WDR76: variants seen among roughly 807,000 people sequenced by gnomAD.
The protein encoded by WDR76 is WD repeat-containing protein 76.
WDR76 carries 52 observed loss-of-function variants against 70.2 expected under a neutral mutation model. The ratio of observed to expected loss-of-function variants is 0.74; its 90% confidence interval spans 0.59 to 0.93. The LOEUF is 0.93. Among genes scored for constraint, WDR76 ranks in the 40% least tolerant of loss-of-function variants. The pLI, the probability that WDR76 is intolerant of heterozygous loss-of-function variation, is 0.00. For missense variants in WDR76, 756 were observed against 760.2 expected (o/e 0.99, Z 0.07); for synonymous variants, 292 against 271.1 (o/e 1.08, Z -0.76).
In WDR76 at chr15:43,835,130, G is replaced by C. The variant is rs1164534797; in HGVS notation, c.532G>C (p.Ala178Pro). 1 of 1,613,794 alleles carries C rather than the reference G, an allele frequency of 6.2e-7. No individual in the cohort carries two copies. Among genetic ancestry groups the C allele is most frequent in the African/African-American group, 1.3e-5 (1 of 74,880 alleles). ...KNISENADFF[A>P]SLQLSESAAR... is the part of the protein sequence containing the mutation. ...CATATCAGAAAACGCAGACTTTTTT[G>C]CTTCTCTTCAGTTGTCTGAGGTTTG... is the stretch of plus-strand genomic sequence containing the variant. Residue 178 changes from alanine (A) to proline (P), a missense_variant, in exon 3 of 13, where the codon GCT (alanine) becomes CCT (proline). Ala to Pro is a conservative substitution (Grantham distance 27). Transcript: ENST00000263795.
chr15:43,848,892 T>A (rs562029011), intron 8 of WDR76, among the ~76,000 whole-genome samples: 15 of 150,836 alleles, frequency 9.9e-5, no homozygotes, highest in Non-Finnish European at 1.9e-4. Context: ...GAGCCGGCAT[T>A]GCACCACTGC....
intron 9 of WDR76, among the ~76,000 whole-genome samples, chr15:43,853,378 A>T (rs2087887578): frequency 6.6e-6 from 1 of 150,834 alleles, no homozygotes; most frequent in African/African-American, 2.4e-5. Context: ...TTTAGTAGAG[A>T]CGGTGTTTTG....
chr15:43,841,201 G>GTTTTTTT (rs910565504), intron 5 of WDR76, among the ~76,000 whole-genome samples: 75 of 102,240 alleles, frequency 7.3e-4, no homozygotes, highest in South Asian at 9.6e-4. Flanking sequence ...TTGTTTTTTT[G>GTTTTTTT]TTTTTTTTTT....
intron 8 of WDR76, among the ~76,000 whole-genome samples, chr15:43,849,979 T>G (rs2087836247): frequency 6.6e-6 from 1 of 152,152 alleles, no homozygotes; most frequent in Non-Finnish European, 1.5e-5. Context: ...AGGAAGAGTA[T>G]GTGTGATTAT....
Position 43,866,815 on chromosome 15 carries a change from A to G in WDR76, c.*423A>G, listed in dbSNP as rs1384898382. On this transcript the variant is annotated 3_prime_UTR_variant, in exon 13 of 13. Coordinates refer to ENST00000263795, the MANE Select transcript of WDR76 (RefSeq NM_024908.4). ...CTATTTTTTTGTATTTTTAGTAGAG[A>G]TGGGGTTTCATCATGTTGGCCAGGC... is the stretch of plus-strand genomic sequence containing the variant. 1 of 164,546 alleles carries G rather than the reference A, an allele frequency of 6.1e-6. No homozygotes were observed. Among genetic ancestry groups the G allele is most frequent in the African/African-American group, 2.4e-5 (1 of 41,368 alleles). The allele number at this position is 164,546 out of a possible 1,614,324, so 10.2% of individuals were successfully genotyped here.
At chr15:43,850,787 AT>A (rs2087848322) in intron 8 of WDR76, among the ~76,000 whole-genome samples, 1 of 152,182 alleles carries the variant, frequency 6.6e-6, no homozygotes, top group South Asian at 2.1e-4. Context: ...AATAGAGTAG[AT>A]TTATCATTTC....
chr15:43,842,717 T>G, intron 7 of WDR76, 46 bp downstream of exon 7: 1 of 1,566,002 alleles, frequency 6.4e-7, no homozygotes. Flanking sequence ...TTGAGATGTT[T>G]GAGTTATAAA....
At position 43,856,969 on chromosome 15, in the gene WDR76, C is replaced by T; in HGVS notation, c.1215C>T (p.Ser405=). Residue 405 remains serine, a synonymous_variant, in exon 10 of 13, where the codon AGC becomes AGT. Coordinates refer to ENST00000263795, the MANE Select transcript of WDR76 (RefSeq NM_024908.4). ...AGGTGTATAGAAATGAAAGAAGTAG[C>T]TTTTCCTCCTTCGACTTCTTGGCAG... ...FEEVYRNERS[S]FSSFDFLAED... is the part of the protein sequence containing the mutation. 2 of 1,613,900 alleles carry T rather than the reference C, an allele frequency of 1.2e-6. No individual in the cohort carries two copies. The highest frequency in any genetic ancestry group is 1.7e-6 in the Non-Finnish European group (2 of 1,179,892).
Position 43,836,118 on chromosome 15 carries a change from A to G in WDR76, c.553-43A>G, listed in dbSNP as rs372891534. 3.4e-5 allele frequency: 53 copies of G among 1,567,464 alleles called. No individual in the cohort carries two copies. In the African/African-American group the frequency reaches 6.5e-4, roughly 19 times the overall value. On this transcript the variant is annotated intron_variant, in intron 3 of 12. Transcript: ENST00000263795. ...GATGCTTAATATTTTAAAAGGTAAGATACGTAGTTATAACATTTTTACATG... is the reference window on the plus strand; with the variant it reads ...GATGCTTAATATTTTAAAAGGTAAGGTACGTAGTTATAACATTTTTACATG...
At chr15:43,856,603 C>G (rs139587694) in intron 9 of WDR76, among the ~76,000 whole-genome samples, 4 of 131,746 alleles carry the variant, frequency 3.0e-5, no homozygotes, top group African/African-American at 2.8e-5. Flanking sequence ...TGTTTTGTTT[C>G]TTTTTTTTTT....
chr15:43,866,030 A>C (rs2088065873), intron 12 of WDR76, 98 bp from the exon 13 acceptor site: 1 of 1,424,904 alleles, frequency 7.0e-7, no homozygotes, highest in African/African-American at 1.4e-5. Context: ...CTTGGCAGAG[A>C]AAACTAGCAT....
intron 8 of WDR76, among the ~76,000 whole-genome samples, chr15:43,844,444 C>A (rs1028364571): frequency 4.0e-5 from 6 of 151,576 alleles, no homozygotes; most frequent in African/African-American, 1.5e-4. Context: ...ATGGTGAAAC[C>A]CCGTCTGTAG....
At position 43,835,102 on chromosome 15, in the gene WDR76, G is replaced by T. The variant is rs2087638783; in HGVS notation, c.504G>T (p.Lys168Asn). 6.2e-7 allele frequency: 1 copy of T among 1,613,976 alleles called. No individual in the cohort carries two copies. The highest frequency in any genetic ancestry group is 8.5e-7 in the Non-Finnish European group (1 of 1,180,000). The change falls in exon 3 of 13, where the codon AAG (lysine) becomes AAT (asparagine). Residue 168 changes from lysine (K) to asparagine (N), a missense_variant. Lys to Asn is a moderately conservative substitution (Grantham distance 94). Transcript: ENST00000263795. ...CACCCTACGAAAGGAAGAGACTGAA[G>T]AACATATCAGAAAACGCAGACTTTT... ...GLSPYERKRL[K>N]NISENADFFA...
At chr15:43,832,502 G>A (rs979747404) in intron 2 of WDR76, among the ~76,000 whole-genome samples, 3 of 151,814 alleles carry the variant, frequency 2.0e-5, no homozygotes, top group Non-Finnish European at 4.4e-5. Flanking sequence ...CTGGAGAGCA[G>A]TGGCACAGTC....
intron 2 of WDR76, among the ~76,000 whole-genome samples, chr15:43,834,298 CTTTTTTT>C (rs971086051): frequency 1.5e-5 from 2 of 132,174 alleles, no homozygotes; most frequent in South Asian, 2.4e-4. Context: ...AAAAAAATAA[CTTTTTTT>C]TTTTTTTTTT....
intron 11 of WDR76, among the ~76,000 whole-genome samples, chr15:43,860,081 T>C (rs1475542964): frequency 2.0e-5 from 3 of 152,164 alleles, no homozygotes; most frequent in African/African-American, 7.2e-5. Context: ...AGAGACCCTG[T>C]CTCTACAGAA....
chr15:43,827,210 C>A, intron 1 of WDR76, 118 bp downstream of exon 1: 1 of 1,289,754 alleles, frequency 7.8e-7, no homozygotes, highest in South Asian at 1.2e-5. Flanking sequence ...CGGGGGATCC[C>A]TGCCCTTAGG....
chr15:43,840,314 A>G (rs2087708898), intron 5 of WDR76, among the ~76,000 whole-genome samples: 1 of 152,116 alleles, frequency 6.6e-6, no homozygotes, highest in African/African-American at 2.4e-5. Flanking sequence ...TAGAACCCTC[A>G]GTAAATATGT....
intron 7 of WDR76, among the ~76,000 whole-genome samples, chr15:43,843,490 AG>A (rs2087751119): frequency 6.6e-6 from 1 of 152,084 alleles, no homozygotes; most frequent in African/African-American, 2.4e-5. Context: ...TGTTTGTTGA[AG>A]TATATGGATA....
Sources: gnomAD v4.1 joint callset for allele counts (sites outside exome capture counted in the v4.1 genomes callset) on GRCh38, gnomAD v4.1.1 for gene constraint, MANE v1.5 for transcripts, NCBI Gene and HGNC (gene_info 2026-07-23, HGNC 2026-07-21) for gene names.